ATP6V1G3: variants seen among roughly 807,000 people sequenced by gnomAD.
ATP6V1G3 encodes V-type proton ATPase subunit G 3.
Under a neutral mutation model 9.3 loss-of-function variants are expected in ATP6V1G3, and 9 were observed. The observed-to-expected ratio is 0.97, with a 90% CI of 0.59 to 1.69. ATP6V1G3 has a LOEUF of 1.69. Ranked by LOEUF, ATP6V1G3 falls within the 40% of genes most tolerant of loss-of-function variation. The probability of loss-of-function intolerance (pLI) is 0.00; values close to 1 mark genes in which losing one functional copy is unlikely to be tolerated. For synonymous variants in ATP6V1G3, 43 were observed against 43.8 expected (o/e 0.98, Z 0.07); for missense variants, 133 against 139.0 (o/e 0.96, Z 0.22).
chr1:198,531,097 G>A (rs553975105), intron 1 of ATP6V1G3, among the ~76,000 whole-genome samples: 3 of 152,182 alleles, frequency 2.0e-5, no homozygotes, highest in African/African-American at 7.2e-5. Context: ...ATCACACGGT[G>A]ACAGGCTCAG....
At chr1:198,538,076 G>T (rs1660190695) in intron 1 of ATP6V1G3, among the ~76,000 whole-genome samples, 1 of 152,166 alleles carries the variant, frequency 6.6e-6, no homozygotes, top group African/African-American at 2.4e-5. Context: ...GAGTGCAGAG[G>T]TTAGTTGTTG....
chr1:198,529,170 G>A lies in ATP6V1G3; in HGVS notation c.94C>T (p.Arg32Ter), dbSNP rs765804703. The A allele has an allele frequency of 5.2e-6, 7 of 1,354,510 alleles. No individual in the cohort carries two copies. Among genetic ancestry groups the A allele is most frequent in the East Asian group, 2.8e-5 (1 of 35,126 alleles). 83.9% of individuals were successfully genotyped at this position (1,354,510 alleles called of 1,614,324 possible). Reference sequence around the variant, plus strand: ...GCTTCCTCCTTGGCTTGCTTCAATCGCTTTCCTTTTCCTGAAAATTAACAA... The same window carrying A: ...GCTTCCTCCTTGGCTTGCTTCAATCACTTTCCTTTTCCTGAAAATTAACAA... ...LEEAKKRKGK[R>*]LKQAKEEAMV... Residue 32 changes from arginine (R) to a stop codon, truncating the protein, a stop_gained, in exon 2 of 3, where the codon CGA becomes TGA. Transcript: ENST00000367382. LOFTEE classifies it high-confidence loss of function.
At chr1:198,530,707 C>A (rs1035449949) in intron 1 of ATP6V1G3, among the ~76,000 whole-genome samples, 2 of 152,042 alleles carry the variant, frequency 1.3e-5, no homozygotes, top group African/African-American at 4.8e-5. Flanking sequence ...ATAGTTGTAA[C>A]CATTTTGTGA....
chr1:198,524,813 G>A (rs1326039596), intron 2 of ATP6V1G3, among the ~76,000 whole-genome samples: 1 of 152,100 alleles, frequency 6.6e-6, no homozygotes. Context: ...ATGTTTGTTT[G>A]CTTTTTCCGT....
rs1334591265 is a variant in ATP6V1G3 at position 198,523,498 on chromosome 1, G to C, written c.250C>G (p.Leu84Val). The change falls in exon 3 of 3, where the codon CTT (leucine) becomes GTT (valine). Residue 84 changes from leucine (L) to valine (V), a missense_variant. Coordinates refer to ENST00000367382, the MANE Select transcript of ATP6V1G3 (RefSeq NM_001376861.1). ...EEQTLGKIQE[L>V]NGHYNKYMES... The stretch of plus-strand genomic sequence containing the variant: ...ATATACTTATTGTAGTGTCCATTAA[G>C]TTCTTGTATCTTCCCTAGTGTTTGT... 6.2e-7 allele frequency: 1 copy of C among 1,613,494 alleles called. No homozygotes were observed. Among genetic ancestry groups the C allele is most frequent in the Admixed American group, 1.7e-5 (1 of 59,966 alleles).
In ATP6V1G3 at chr1:198,540,621, C is replaced by T. The variant is rs774570397; in HGVS notation, c.30G>A (p.Gln10=). The T allele has an allele frequency of 6.2e-7, 1 of 1,613,950 alleles. No homozygotes were observed. The highest frequency in any genetic ancestry group is 8.5e-7 in the Non-Finnish European group (1 of 1,179,960). The part of the protein sequence containing the change: MTSQSQGIH[Q]LLQAEKRAKD... ...TGGCCCGTTTTTCTGCCTGAAGAAG[C>T]TGGTGGATCCCCTGAGACTGGCTTG... Residue 10 remains glutamine, a synonymous_variant, in exon 1 of 3, where the codon CAG becomes CAA. Coordinates refer to ENST00000367382, the MANE Select transcript of ATP6V1G3 (RefSeq NM_001376861.1).
intron 1 of ATP6V1G3, chr1:198,536,870 T>C (rs1558181970): frequency 3.3e-6 from 2 of 608,460 alleles, no homozygotes; most frequent in Non-Finnish European, 5.6e-6. Context: ...TTTACTATCT[T>C]ACACATATTT....
chr1:198,523,635 G>T, intron 2 of ATP6V1G3, 71 bp from the exon 3 acceptor site: 1 of 1,407,854 alleles, frequency 7.1e-7, no homozygotes, highest in Non-Finnish European at 9.7e-7. Context: ...GTCCTAGCCT[G>T]TTTACTGATG....
intron 1 of ATP6V1G3, among the ~76,000 whole-genome samples, chr1:198,538,721 T>C (rs975133200): frequency 1.6e-5 from 2 of 126,210 alleles, no homozygotes; most frequent in African/African-American, 3.8e-5. Flanking sequence ...CTGAACAACA[T>C]GGCGAAACCC....
intron 2 of ATP6V1G3, among the ~76,000 whole-genome samples, chr1:198,526,872 CAACA>C (rs1170278181): frequency 6.6e-6 from 1 of 152,088 alleles, no homozygotes; most frequent in Non-Finnish European, 1.5e-5. Flanking sequence ...CTTGTATTAA[CAACA>C]TATTTAATTT....
chr1:198,535,753 G>A (rs960482843), intron 1 of ATP6V1G3, among the ~76,000 whole-genome samples: 4 of 151,882 alleles, frequency 2.6e-5, no homozygotes. Flanking sequence ...TCTCCATTTT[G>A]AGGCTGAGGA....
At chr1:198,526,622 C>T (rs1659664450) in intron 2 of ATP6V1G3, among the ~76,000 whole-genome samples, 1 of 152,126 alleles carries the variant, frequency 6.6e-6, no homozygotes, top group Non-Finnish European at 1.5e-5. Flanking sequence ...GAACTTTAAA[C>T]ATTCAATATG....
At chr1:198,526,545 A>C (rs1307839059) in intron 2 of ATP6V1G3, among the ~76,000 whole-genome samples, 1 of 152,166 alleles carries the variant, frequency 6.6e-6, no homozygotes, top group South Asian at 2.1e-4. Flanking sequence ...TCTCCATGTT[A>C]ATTTTCAAAA....
At chr1:198,530,935 C>T (rs1287770248) in intron 1 of ATP6V1G3, among the ~76,000 whole-genome samples, 1 of 152,038 alleles carries the variant, frequency 6.6e-6, no homozygotes, top group Admixed American at 6.6e-5. Flanking sequence ...ACATGCCTCA[C>T]TACTCTCCAT....
At chr1:198,527,144 A>G (rs1171477075) in intron 2 of ATP6V1G3, among the ~76,000 whole-genome samples, 2 of 152,074 alleles carry the variant, frequency 1.3e-5, no homozygotes, top group Admixed American at 6.6e-5. Context: ...CTCCTCCCAG[A>G]CCTCCTAATT....
Position 198,523,535 on chromosome 1 carries a change from ATC to A in ATP6V1G3, c.211_212del (p.Asp71Ter), listed in dbSNP as rs1659533374. 1.9e-6 allele frequency: 3 copies of A among 1,613,124 alleles called. No individual in the cohort carries two copies. The South Asian group carries it at 3.3e-5, about 18-fold the overall frequency. Reference sequence around the variant, plus strand: ...TCCCTAGTGTTTGTTCTTCTATTTCATCTGAGAGATTATTCTGAGAGCCCATT... The same window carrying A: ...TCCCTAGTGTTTGTTCTTCTATTTCATGAGAGATTATTCTGAGAGCCCATT... ...KIMGSQNNLS[D>X]EIEEQTLGKI... is the part of the protein sequence containing the mutation. On this transcript the variant is annotated frameshift_variant, in exon 3 of 3. Coordinates refer to ENST00000367382, the MANE Select transcript of ATP6V1G3 (RefSeq NM_001376861.1). LOFTEE classifies it low-confidence loss of function (END_TRUNC).
chr1:198,523,269 C>T lies in ATP6V1G3; in HGVS notation c.*122G>A. 2 of 975,830 alleles carry T rather than the reference C, an allele frequency of 2.0e-6. No homozygotes were observed. The highest frequency in any genetic ancestry group is 3.0e-6 in the Non-Finnish European group (2 of 655,754). 60.4% of individuals were successfully genotyped at this position (975,830 alleles called of 1,614,324 possible). On this transcript the variant is annotated 3_prime_UTR_variant, in exon 3 of 3. Transcript: ENST00000367382. ...CAGTGCCGATGTATGAGTTATGTCA[C>T]ATTTCCTGTAAATGTAAATTTAAGG...
chr1:198,529,955 T>A (rs1440815275), intron 1 of ATP6V1G3, among the ~76,000 whole-genome samples: 1 of 152,108 alleles, frequency 6.6e-6, no homozygotes, highest in Non-Finnish European at 1.5e-5. Flanking sequence ...AATGCTGTGG[T>A]AATCATTAGC....
At chr1:198,523,683 G>C in intron 2 of ATP6V1G3, 119 bp from the exon 3 acceptor site, 1 of 894,896 alleles carries the variant, frequency 1.1e-6, no homozygotes, top group Non-Finnish European at 1.6e-6. Context: ...TCCTTTTCTA[G>C]ATTTTTTCAG....
Sources: allele counts gnomAD v4.1 joint callset (sites outside exome capture counted in the v4.1 genomes callset), GRCh38; gene constraint gnomAD v4.1.1; transcripts MANE v1.5; gene names NCBI Gene and HGNC (gene_info 2026-07-23, HGNC 2026-07-21).